Variants in SYCP2 observed in about 807,000 individuals in gnomAD.
SYCP2 encodes the protein synaptonemal complex protein 2.
SYCP2 carries 55 observed loss-of-function variants against 211.3 expected under a neutral mutation model. The observed-to-expected ratio is 0.26, with a 90% confidence interval of 0.21 to 0.33. The LOEUF is 0.33. SYCP2 is among the 10% of genes least tolerant of loss of function. The pLI is 1.00. For synonymous variants in SYCP2, 570 were observed against 555.2 expected (o/e 1.03, Z -0.37); for missense variants, 1,731 against 1,752.0 (o/e 0.99, Z 0.21).
At chr20:59,920,536 G>C (rs2060522112) in intron 4 of SYCP2, 49 bp from the exon 5 acceptor site, 2 of 1,409,810 alleles carry the variant, frequency 1.4e-6, no homozygotes, top group East Asian at 2.4e-5. Flanking sequence ...AAAACAGTAT[G>C]AAATAGACAT....
intron 31 of SYCP2, among the ~76,000 whole-genome samples, chr20:59,880,062 C>T (rs538452075): frequency 1.1e-3 from 161 of 150,640 alleles, no homozygotes; most frequent in African/African-American, 3.7e-3. Flanking sequence ...AGACAAGTGA[C>T]GAAAATCATG....
intron 5 of SYCP2, among the ~76,000 whole-genome samples, 166 bp from the exon 6 acceptor site, chr20:59,919,763 T>TG (rs2060506910): frequency 1.3e-5 from 2 of 151,816 alleles, no homozygotes; most frequent in African/African-American, 4.8e-5. Flanking sequence ...CTTGTTTTTT[T>TG]TTAACTATCT....
intron 26 of SYCP2, among the ~76,000 whole-genome samples, chr20:59,883,305 C>T (rs1269284690): frequency 1.3e-5 from 2 of 152,042 alleles, no homozygotes; most frequent in Non-Finnish European, 2.9e-5. Flanking sequence ...GCCAAGATCA[C>T]GCCACTGCAC....
chr20:59,875,410 G>A lies in SYCP2; in HGVS notation c.3210C>T (p.Val1070=). The A allele has an allele frequency of 6.2e-7, 1 of 1,612,708 alleles. No individual in the cohort carries two copies. The highest frequency in any genetic ancestry group is 8.5e-7 in the Non-Finnish European group (1 of 1,179,244). Residue 1070 remains valine (V), a synonymous_variant, in exon 34 of 45, where the codon GTC becomes GTT. Coordinates refer to ENST00000357552, the MANE Select transcript of SYCP2 (RefSeq NM_014258.4). ...TVKLPKKQQK[V]FCAETEKELS... is the part of the protein sequence containing the mutation. ...GTTCCTTTTCTGTTTCAGCACAGAA[G>A]ACTTTCTGTTGTTTCTTTGGTAGCT...
chr20:59,919,201 T>C lies in SYCP2; in HGVS notation c.403-19A>G. On this transcript the variant is annotated intron_variant, in intron 6 of 44. Coordinates refer to ENST00000357552, the MANE Select transcript of SYCP2 (RefSeq NM_014258.4). The stretch of plus-strand genomic sequence containing the variant: ...GTATGACCTGAAAAAAAGTGAATAA[T>C]ATTTAATTTACAAGTTACTATATAT... The C allele has an allele frequency of 8.5e-7, 1 of 1,173,034 alleles. No homozygotes were observed. The highest frequency in any genetic ancestry group is 1.2e-6 in the Non-Finnish European group (1 of 802,448). 72.7% of individuals were successfully genotyped at this position (1,173,034 alleles called of 1,614,324 possible).
In SYCP2 at chr20:59,866,382, G is replaced by GT; in HGVS notation, c.4230dup (p.Leu1411ThrfsTer2). The GT allele has an allele frequency of 6.3e-7, 1 of 1,585,330 alleles. No individual in the cohort carries two copies. Among genetic ancestry groups the GT allele is most frequent in the Non-Finnish European group, 8.6e-7 (1 of 1,162,662 alleles). On this transcript the variant is annotated frameshift_variant, in exon 41 of 45. Transcript: ENST00000357552. LOFTEE classifies it high-confidence loss of function. ...ATGATAATGAATTGGAATTTATCAA[G>GT]TTTTTTAATCCTATTACAGAAACAA...
chr20:59,911,821 G>A lies in SYCP2; in HGVS notation c.901C>T (p.Leu301Phe). Residue 301 changes from leucine (L) to phenylalanine (F), a missense_variant, in exon 14 of 45, where the codon CTT becomes TTT. This residue lies in a region of SYCP2 where 335 missense variants were observed against 378.8 expected (regional missense o/e 0.88). Transcript: ENST00000357552. ...YELQIPSDEK[L>F]EEFWIDFNLG... ...TTAAAATCAATCCAAAATTCCTCAAGTTTTTCATCTGATGGTATTTGCAGC... is the reference window on the plus strand; with the variant it reads ...TTAAAATCAATCCAAAATTCCTCAAATTTTTCATCTGATGGTATTTGCAGC... The A allele has an allele frequency of 6.3e-7, 1 of 1,579,804 alleles. No individual in the cohort carries two copies. The highest frequency in any genetic ancestry group is 1.2e-5 in the South Asian group (1 of 85,408).
Position 59,921,403 on chromosome 20 carries a change from A to C in SYCP2, c.75T>G (p.Pro25=). ...DDALRKNDFK[P]LKTLLQIDIC... ...TATCAATTTGCAAAAGTGTTTTCAA[A>C]GGTTTGAAATCATTTTTTCTTAAAG... Residue 25 remains proline, a synonymous_variant, in exon 4 of 45, where the codon CCT becomes CCG. Transcript: ENST00000357552. 2 of 1,605,314 alleles carry C rather than the reference A, an allele frequency of 1.2e-6. No individual in the cohort carries two copies. The highest frequency in any genetic ancestry group is 1.7e-6 in the Non-Finnish European group (2 of 1,175,082).
rs1266176683 is a variant in SYCP2 at position 59,880,471 on chromosome 20, T to C, written c.2773A>G (p.Ile925Val). 3.3e-6 allele frequency: 5 copies of C among 1,537,830 alleles called. No individual in the cohort carries two copies. Among genetic ancestry groups the C allele is most frequent in the Non-Finnish European group, 3.5e-6 (4 of 1,137,892 alleles). Reference protein sequence around the residue: ...KSSVKTKDKKIITNHQKKNLF... With the variant: ...KSSVKTKDKKVITNHQKKNLF... ...TTTTTCTTTTGATGATTTGTTATAA[T>C]CTATAAAAAAAAGTTTGAAATGCAT... Residue 925 changes from isoleucine to valine, a missense_variant and splice_region_variant, in exon 31 of 45, where the codon ATT (isoleucine) becomes GTT (valine). This residue lies in a region of SYCP2 where 1,387 missense variants were observed against 1,351.3 expected (regional missense o/e 1.03). Transcript: ENST00000357552.
rs1191585419 is a variant in SYCP2, at chr20:59,916,466, A to G, written c.513+20T>C. 2.0e-6 allele frequency: 3 copies of G among 1,480,576 alleles called. No homozygotes were observed. Among genetic ancestry groups the G allele is most frequent in the African/African-American group, 1.4e-5 (1 of 71,436 alleles). 91.7% of individuals were successfully genotyped at this position (1,480,576 alleles called of 1,614,324 possible). On this transcript the variant is annotated intron_variant, in intron 8 of 44. Transcript: ENST00000357552. ...CACGTTCTCATTTTTAGTTTTTAAA[A>G]CACAAATAAATGACTTTACCTCTTG...
rs1469618397 is a variant in SYCP2 at position 59,879,862 on chromosome 20, T to TATAC, written c.2941+440_2941+441insGTAT. ...ATATATATATATATATATATATATA[T>TATAC]ACACACACACACACACAAACATATA... On this transcript the variant is annotated intron_variant, in intron 31 of 44. Coordinates refer to ENST00000357552, the MANE Select transcript of SYCP2 (RefSeq NM_014258.4). Among the ~76,000 whole-genome samples the TATAC allele has an allele frequency of 2.9e-3, 337 of 115,852 alleles. 2 individuals are homozygous for TATAC. Among genetic ancestry groups the TATAC allele is most frequent in the Non-Finnish European group, 4.7e-3 (263 of 55,654 alleles). 76.0% of individuals were successfully genotyped at this position (115,852 alleles called of 152,430 possible).
At chr20:59,875,232 T>C (rs8125234) in intron 34 of SYCP2, 39 bp downstream of exon 34, 74,311 of 1,290,434 alleles carry the variant, frequency 0.058, 2,576 homozygotes, top group African/African-American at 0.093. Context: ...TAGAAAACTA[T>C]TGAATATTCA....
intron 15 of SYCP2, among the ~76,000 whole-genome samples, chr20:59,902,728 T>C (rs955940567): frequency 6.6e-6 from 1 of 152,172 alleles, no homozygotes; most frequent in Non-Finnish European, 1.5e-5. Context: ...TATATGCTCA[T>C]AAAACTTTCA....
At chr20:59,896,788 C>A (rs372965023) in intron 18 of SYCP2, among the ~76,000 whole-genome samples, 1 of 152,228 alleles carries the variant, frequency 6.6e-6, no homozygotes, top group East Asian at 1.9e-4. Context: ...CTATGAAGTA[C>A]AGTACCTTTA....
At position 59,880,472 on chromosome 20, in the gene SYCP2, C is replaced by CCTG; in HGVS notation, c.2773-2_2773-1insCAG. Reference sequence around the variant, plus strand: ...TTTTCTTTTGATGATTTGTTATAATCTATAAAAAAAAGTTTGAAATGCATG... The same window carrying CCTG: ...TTTTCTTTTGATGATTTGTTATAATCCTGTATAAAAAAAAGTTTGAAATGCATG... On this transcript the variant is annotated splice_acceptor_variant, in intron 30 of 44. Coordinates refer to ENST00000357552, the MANE Select transcript of SYCP2 (RefSeq NM_014258.4). LOFTEE classifies it high-confidence loss of function. The CCTG allele has an allele frequency of 6.5e-7, 1 of 1,532,806 alleles. No individual in the cohort carries two copies. The highest frequency in any genetic ancestry group is 2.1e-5 in the Admixed American group (1 of 47,966). 95.0% of individuals were successfully genotyped at this position (1,532,806 alleles called of 1,614,324 possible).
intron 24 of SYCP2, among the ~76,000 whole-genome samples, chr20:59,890,403 T>C (rs917673078): frequency 6.6e-6 from 1 of 151,064 alleles, no homozygotes; most frequent in African/African-American, 2.4e-5. Flanking sequence ...TGTTGGGGGG[T>C]GGAGGCCTAG....
rs1340343897 is a variant in SYCP2 at position 59,875,252 on chromosome 20, A to G, written c.3349+19T>C. 53 of 1,526,730 alleles carry G rather than the reference A, an allele frequency of 3.5e-5. No homozygotes were observed. Among genetic ancestry groups the G allele is most frequent in the Non-Finnish European group, 4.4e-5 (50 of 1,126,754 alleles). The allele number at this position is 1,526,730 out of a possible 1,614,324, so 94.6% of individuals were successfully genotyped here. A position where few individuals can be genotyped will look rare whatever the true frequency, so the allele number is the denominator to read the frequency against. On this transcript the variant is annotated intron_variant, in intron 34 of 44. Transcript: ENST00000357552. ...AACTATTGAATATTCAAGTAAAGAA[A>G]AAACAAAGTTATACTGACATCTCGT...
At chr20:59,930,651 C>T (rs866748913) in intron 2 of SYCP2, among the ~76,000 whole-genome samples, 33 of 152,024 alleles carry the variant, frequency 2.2e-4, no homozygotes, top group African/African-American at 7.0e-4. Flanking sequence ...ACATGAACTA[C>T]GTGAACATGA....
At chr20:59,930,113 C>T (rs1322697267) in intron 2 of SYCP2, among the ~76,000 whole-genome samples, 1 of 152,188 alleles carries the variant, frequency 6.6e-6, no homozygotes, top group Admixed American at 6.5e-5. Context: ...GCCCTACCCC[C>T]AGAAAGTCTA....
Sources: allele counts gnomAD v4.1 joint callset (sites outside exome capture counted in the v4.1 genomes callset), GRCh38; gene constraint gnomAD v4.1.1; regional missense constraint gnomAD v4.1.1; transcripts MANE v1.5; gene names NCBI Gene and HGNC (gene_info 2026-07-23, HGNC 2026-07-21).